Variants in RB1 observed in about 807,000 individuals in gnomAD.
The protein encoded by RB1 is retinoblastoma-associated protein.
RB1 carries 18 observed loss-of-function variants against 135.4 expected under a neutral mutation model. The ratio of observed to expected loss-of-function variants is 0.13; its 90% CI spans 0.09 to 0.20. RB1 has a LOEUF of 0.20. Ranked by LOEUF, RB1 falls within the 10% of genes least tolerant of loss-of-function variation. RB1 has a pLI of 1.00. For missense variants in RB1, 868 were observed against 1,110.0 expected (o/e 0.78, Z 3.10); for synonymous variants, 365 against 373.2 (o/e 0.98, Z 0.25).
At chr13:48,396,076 G>A (rs1948645713) in intron 17 of RB1, among the ~76,000 whole-genome samples, 2 of 152,196 alleles carry the variant, frequency 1.3e-5, no homozygotes, top group Admixed American at 1.3e-4. Flanking sequence ...ACTGCCCACA[G>A]TAATTTATAG....
intron 23 of RB1, among the ~76,000 whole-genome samples, 187 bp downstream of exon 23, chr13:48,465,555 G>A (rs1305873643): frequency 6.6e-6 from 1 of 152,146 alleles, no homozygotes; most frequent in Admixed American, 6.5e-5. Flanking sequence ...CTTAAGCAAC[G>A]CAAGATGGCC....
intron 2 of RB1, among the ~76,000 whole-genome samples, chr13:48,338,563 T>C (rs1212170592): frequency 1.3e-5 from 2 of 152,216 alleles, no homozygotes; most frequent in African/African-American, 4.8e-5. Flanking sequence ...CACTGGTTAT[T>C]CTAGTTGGCC....
chr13:48,380,268 C>T (rs762039238), intron 16 of RB1, 27 bp downstream of exon 16: 1 of 1,496,894 alleles, frequency 6.7e-7, no homozygotes, highest in Non-Finnish European at 9.3e-7. Context: ...TAAATAAACA[C>T]TTTTGTTCAA....
In RB1 at chr13:48,406,894, AAAAC is replaced by A. The variant is rs145038330; in HGVS notation, c.1695+25469_1695+25472del. On this transcript the variant is annotated intron_variant, in intron 17 of 26. Transcript: ENST00000267163. ...TATAGCAAGACCTCATCTTTCTATT[AAAAC>A]AAACAAACAAACAAACAGGGTTCTT... Among the ~76,000 whole-genome samples, 9 of 152,118 alleles carry A rather than the reference AAAAC, an allele frequency of 5.9e-5. No homozygotes were observed. In the South Asian group the frequency reaches 6.2e-4, roughly 11 times the overall value.
chr13:48,394,395 G>A (rs1034496140), intron 17 of RB1, among the ~76,000 whole-genome samples: 5 of 152,134 alleles, frequency 3.3e-5, no homozygotes, highest in African/African-American at 9.7e-5. Context: ...GAATGACAGC[G>A]AGTTAGAACC....
intron 17 of RB1, among the ~76,000 whole-genome samples, chr13:48,450,499 C>G (rs1012528976): frequency 6.6e-6 from 1 of 152,146 alleles, no homozygotes; most frequent in Non-Finnish European, 1.5e-5. Flanking sequence ...TCTGAGTCCT[C>G]TACTCTGTTC....
intron 2 of RB1, among the ~76,000 whole-genome samples, chr13:48,333,446 A>G (rs1952354309): frequency 6.6e-6 from 1 of 152,154 alleles, no homozygotes; most frequent in Non-Finnish European, 1.5e-5. Context: ...CTATATGGTT[A>G]TACCTTTTTG....
intron 2 of RB1, among the ~76,000 whole-genome samples, chr13:48,331,313 T>C (rs1284725034): frequency 6.6e-6 from 1 of 152,230 alleles, no homozygotes. Context: ...AGACATTTGC[T>C]ACAGTTTGAA....
chr13:48,423,570 A>C (rs962321743), intron 17 of RB1, among the ~76,000 whole-genome samples: 2 of 152,248 alleles, frequency 1.3e-5, no homozygotes, highest in Non-Finnish European at 2.9e-5. Flanking sequence ...TTCTTTTACT[A>C]TAAAATTGAT....
intron 19 of RB1, among the ~76,000 whole-genome samples, chr13:48,456,619 C>G (rs773977132): frequency 2.0e-5 from 3 of 152,026 alleles, no homozygotes; most frequent in Non-Finnish European, 4.4e-5. Flanking sequence ...GCCCCTTGGT[C>G]TGACAGGCTG....
chr13:48,380,279 T>C, intron 16 of RB1, 38 bp downstream of exon 16: 1 of 1,447,096 alleles, frequency 6.9e-7, no homozygotes, highest in Non-Finnish European at 9.7e-7. Flanking sequence ...TTTTGTTCAA[T>C]TTAAAGTTAA....
chr13:48,424,745 G>T (rs997609247), intron 17 of RB1, among the ~76,000 whole-genome samples: 3 of 152,062 alleles, frequency 2.0e-5, no homozygotes, highest in African/African-American at 4.8e-5. Flanking sequence ...ACATATACGT[G>T]CAATTCAATT....
chr13:48,478,923 G>A (rs1018616528), intron 26 of RB1, among the ~76,000 whole-genome samples: 3 of 152,120 alleles, frequency 2.0e-5, no homozygotes, highest in Non-Finnish European at 4.4e-5. Flanking sequence ...TTCATAATAT[G>A]CTTTTAACAT....
chr13:48,427,218 G>A (rs561151693), intron 17 of RB1, among the ~76,000 whole-genome samples: 1 of 108,476 alleles, frequency 9.2e-6, no homozygotes, highest in African/African-American at 3.6e-5. Flanking sequence ...TTCAACACGA[G>A]TCATCTTCTA....
chr13:48,348,407 T>C (rs1373956154), intron 5 of RB1, among the ~76,000 whole-genome samples: 4 of 151,890 alleles, frequency 2.6e-5, no homozygotes, highest in African/African-American at 7.2e-5. Flanking sequence ...TACTGATTAA[T>C]TGATATCAAT....
In RB1 at chr13:48,447,384, T is replaced by C. The variant is rs1034887218; in HGVS notation, c.1696-5609T>C. On this transcript the variant is annotated intron_variant, in intron 17 of 26. Transcript: ENST00000267163. ...GACAAATGGAGCATTGTTACATTTATGGCTCTACTTCCTAGCATAGACATA... is the reference window on the plus strand; with the variant it reads ...GACAAATGGAGCATTGTTACATTTACGGCTCTACTTCCTAGCATAGACATA... Among the ~76,000 whole-genome samples, 52 of 152,302 alleles carry C rather than the reference T, an allele frequency of 3.4e-4. 1 individual carries two copies. The highest frequency in any genetic ancestry group is 1.2e-3 in the African/African-American group (48 of 41,572).
At position 48,411,205 on chromosome 13, in the gene RB1, A is replaced by T. The variant is rs1948793412; in HGVS notation, c.1695+29762A>T. 5.4e-6 allele frequency: 3 copies of T among 552,214 alleles called. No homozygotes were observed. The East Asian group carries it at 8.8e-5, about 16-fold the overall frequency. The allele number at this position is 552,214 out of a possible 1,614,324, so 34.2% of individuals were successfully genotyped here. A position where few individuals can be genotyped will look rare whatever the true frequency, so the allele number is the denominator to read the frequency against. On this transcript the variant is annotated intron_variant, in intron 17 of 26. Transcript: ENST00000267163. ...GGCTCAGAAAAATCAGATGGAGTGGATACACAAATAAAATACATGTTAATG... is the reference window on the plus strand; with the variant it reads ...GGCTCAGAAAAATCAGATGGAGTGGTTACACAAATAAAATACATGTTAATG...
intron 6 of RB1, among the ~76,000 whole-genome samples, chr13:48,350,327 T>C (rs547962181): frequency 4.6e-5 from 7 of 152,248 alleles, no homozygotes; most frequent in African/African-American, 1.4e-4. Context: ...TCAAGCATAT[T>C]CTCTGATCAC....
chr13:48,436,507 G>T (rs1483899130), intron 17 of RB1, among the ~76,000 whole-genome samples: 1 of 152,080 alleles, frequency 6.6e-6, no homozygotes, highest in Non-Finnish European at 1.5e-5. Flanking sequence ...GCTGAGTATG[G>T]TGGCACATGC....
Sources: allele counts gnomAD v4.1 joint callset (sites outside exome capture counted in the v4.1 genomes callset), GRCh38; gene constraint gnomAD v4.1.1; transcripts MANE v1.5; gene names NCBI Gene and HGNC (gene_info 2026-07-23, HGNC 2026-07-21).